The following POLR1D variants were observed in gnomAD, a reference collection of about 807,000 sequenced individuals.
POLR1D encodes the protein RNA polymerase I and III subunit D.
A neutral mutation model predicts 10.8 loss-of-function variants in POLR1D; 8 were observed. The ratio of observed to expected loss-of-function variants is 0.74; its 90% confidence interval spans 0.43 to 1.33. The LOEUF (loss-of-function observed/expected upper bound fraction) is 1.33, where lower values mean the gene tolerates loss of function less well. POLR1D is among the 40% of genes most tolerant of loss of function. The pLI is 0.01. For missense variants in POLR1D, 152 were observed against 161.7 expected (o/e 0.94, Z 0.32); for synonymous variants, 54 against 57.2 (o/e 0.94, Z 0.25).
intron 1 of POLR1D, among the ~76,000 whole-genome samples, chr13:27,632,246 C>T (rs1194061350): frequency 6.6e-6 from 1 of 152,130 alleles, no homozygotes; most frequent in Non-Finnish European, 1.5e-5. Flanking sequence ...ATGAATTTTC[C>T]TTGGGATCTT....
chr13:27,621,849 T>G (rs1034863589), upstream of POLR1D: 12 of 898,120 alleles, frequency 1.3e-5, no homozygotes, highest in Non-Finnish European at 2.1e-5. Context: ...CCGCTGCGGC[T>G]CCTCCTCCCT....
At chr13:27,621,761 A>T, upstream of POLR1D, 1 of 371,420 alleles carries the variant, frequency 2.7e-6, no homozygotes. Context: ...CGGGGCCGCG[A>T]GCCACCGCTC....
At chr13:27,651,143 A>G (rs1956265685) in intron 2 of POLR1D, 1 of 152,178 alleles carries the variant, frequency 6.6e-6, no homozygotes, top group East Asian at 1.9e-4. Flanking sequence ...GAATCTGATC[A>G]AGTCTCTAGT....
chr13:27,656,055 G>C (rs549886305), intron 2 of POLR1D, among the ~76,000 whole-genome samples: 1 of 150,412 alleles, frequency 6.6e-6, no homozygotes, highest in South Asian at 2.1e-4. Flanking sequence ...TCTTATAGGA[G>C]AAAATACAGG....
At chr13:27,650,322 C>T (rs1956255240) in intron 2 of POLR1D, 1 of 354,490 alleles carries the variant, frequency 2.8e-6, no homozygotes, top group Non-Finnish European at 5.1e-6. Context: ...GGAAGCTCAC[C>T]TGAGCCTCAG....
chr13:27,643,812 C>T (rs1956196281), intron 1 of POLR1D, among the ~76,000 whole-genome samples: 1 of 152,188 alleles, frequency 6.6e-6, no homozygotes, highest in Non-Finnish European at 1.5e-5. Flanking sequence ...TTTTAGATAA[C>T]TTCCCAGTCA....
chr13:27,623,499 A>C, downstream of POLR1D: 2 of 640,748 alleles, frequency 3.1e-6, no homozygotes, highest in Non-Finnish European at 4.6e-6. Context: ...CTTGAGGATG[A>C]CTTTTTTTCT....
chr13:27,621,742 G>T, upstream of POLR1D: 3 of 338,768 alleles, frequency 8.9e-6, no homozygotes, highest in Non-Finnish European at 1.6e-5. Context: ...TGGTCGCCCA[G>T]GTGAGCCGCG....
intron 1 of POLR1D, among the ~76,000 whole-genome samples, chr13:27,634,463 C>T (rs960421106): frequency 1.3e-5 from 2 of 152,126 alleles, no homozygotes; most frequent in Non-Finnish European, 1.5e-5. Context: ...AAGCAGACAG[C>T]CTAACAGACA....
chr13:27,635,363 G>C (rs556088142), intron 1 of POLR1D, among the ~76,000 whole-genome samples: 12 of 152,118 alleles, frequency 7.9e-5, no homozygotes, highest in Admixed American at 7.2e-4. Context: ...ATGAAATAAG[G>C]GTATGTGTTA....
At chr13:27,625,870 G>C (rs1181449633), downstream of POLR1D, among the ~76,000 whole-genome samples, 1 of 152,102 alleles carries the variant, frequency 6.6e-6, no homozygotes, top group Non-Finnish European at 1.5e-5. Flanking sequence ...TTAACGTGGA[G>C]GTCACTAGGC....
chr13:27,632,201 A>G (rs557289823), intron 1 of POLR1D, among the ~76,000 whole-genome samples: 346 of 152,240 alleles, frequency 2.3e-3, no homozygotes, highest in African/African-American at 7.9e-3. Context: ...ATTGATGGAT[A>G]TTTTTACTTT....
intron 2 of POLR1D, among the ~76,000 whole-genome samples, chr13:27,654,431 G>C (rs2138564101): frequency 6.6e-6 from 1 of 152,170 alleles, no homozygotes; most frequent in East Asian, 1.9e-4. Context: ...AATCTCATCA[G>C]ATCAGTCTTT....
At chr13:27,628,537 G>A (rs1216637780) in intron 1 of POLR1D, among the ~76,000 whole-genome samples, 2 of 152,190 alleles carry the variant, frequency 1.3e-5, no homozygotes, top group Non-Finnish European at 2.9e-5. Context: ...AAAAGAGAAT[G>A]AGCCCAGAAT....
At chr13:27,621,298 C>A (rs1007072589), upstream of POLR1D, 1 of 152,302 alleles carries the variant, frequency 6.6e-6, no homozygotes, top group African/African-American at 2.4e-5. Context: ...TCTCACTCCC[C>A]CAAAAGAGAC....
intron 2 of POLR1D, among the ~76,000 whole-genome samples, chr13:27,657,552 A>T (rs745811318): frequency 2.0e-5 from 3 of 152,126 alleles, no homozygotes; most frequent in Non-Finnish European, 4.4e-5. Context: ...AATAAAAAAT[A>T]AAAATACACA....
Position 27,622,954 on chromosome 13 carries a change from G to A in POLR1D, c.106G>A (p.Asp36Asn), listed in dbSNP as rs756808529. 1 of 1,613,660 alleles carries A rather than the reference G, an allele frequency of 6.2e-7. No individual in the cohort carries two copies. The highest frequency in any genetic ancestry group is 1.7e-5 in the Admixed American group (1 of 60,030). ...GGAAATGGTCCAGGCAGCTGGAACA[G>A]ATAGACACTGTGTGACATTTGTATT... ...ALEMVQAAGT[D>N]RHCVTFVLHE... The change falls in exon 2 of 2, where the codon GAT becomes AAT. Residue 36 changes from aspartate to asparagine, a missense_variant. Physicochemically the swap from Asp to Asn is conservative, Grantham distance 23. Coordinates refer to ENST00000302979, the MANE Select transcript of POLR1D (RefSeq NM_015972.4).
intron 1 of POLR1D, among the ~76,000 whole-genome samples, chr13:27,634,887 C>T (rs1956107882): frequency 6.6e-6 from 1 of 152,006 alleles, no homozygotes; most frequent in South Asian, 2.1e-4. Context: ...GTTGCCCAGC[C>T]TGGTCTCGAA....
In POLR1D at chr13:27,655,374, G is replaced by T. The variant is rs569944894; in HGVS notation, c.101+6921G>T. ...AGACATTCTCATGCATAACCACATT[G>T]TAATTACCATATCAATGAAATTAAT... On this transcript the variant is annotated intron_variant, in intron 2 of 2. Coordinates refer to the POLR1D transcript ENST00000399697. 2.6e-5 allele frequency among the ~76,000 whole-genome samples: 4 copies of T among 152,234 alleles called. No individual in the cohort carries two copies. The East Asian group carries it at 7.7e-4, about 29-fold the overall frequency.
Sources: gnomAD v4.1 joint callset for allele counts (sites outside exome capture counted in the v4.1 genomes callset) on GRCh38, gnomAD v4.1.1 for gene constraint, MANE v1.5 for transcripts, NCBI Gene and HGNC (gene_info 2026-07-23, HGNC 2026-07-21) for gene names.